The following BIRC7 variants were observed in gnomAD, a reference collection of about 807,000 sequenced individuals.
BIRC7 encodes the protein baculoviral IAP repeat-containing protein 7.
Under a neutral mutation model 33.2 loss-of-function variants are expected in BIRC7, and 26 were observed. That is an observed-to-expected ratio of 0.78 (90% CI 0.57 to 1.09). BIRC7 has a LOEUF of 1.09. Ranked by LOEUF, BIRC7 falls within the 50% of genes least tolerant of loss-of-function variation. The pLI, the probability that BIRC7 is intolerant of heterozygous loss-of-function variation, is 0.00. For missense variants in BIRC7, 409 were observed against 401.2 expected, an observed-to-expected ratio of 1.02 and a Z score of -0.17; for synonymous variants, 176 against 171.0, an observed-to-expected ratio of 1.03 and a Z score of -0.23.
chr20:63,238,247 C>T (rs755498636), intron 2 of BIRC7, 149 bp from the exon 3 acceptor site: 6 of 992,732 alleles, frequency 6.0e-6, no homozygotes, highest in African/African-American at 3.2e-5. Flanking sequence ...CCCATGGAGG[C>T]GTCTCCACAG....
At position 63,235,938 on chromosome 20, in the gene BIRC7, C is replaced by T; in HGVS notation, c.-159C>T. On this transcript the variant is annotated 5_prime_UTR_variant, in exon 1 of 7. Coordinates refer to ENST00000217169, the MANE Select transcript of BIRC7 (RefSeq NM_139317.3). ...AAAGCTGTGGGCCCTGGGATACTCC[C>T]CTCCCAGGGTGTCTGGTGGCAGGCC... 2.2e-6 allele frequency: 2 copies of T among 900,014 alleles called. No individual in the cohort carries two copies. Among genetic ancestry groups the T allele is most frequent in the Non-Finnish European group, 3.2e-6 (2 of 623,366 alleles). 55.8% of individuals were successfully genotyped at this position (900,014 alleles called of 1,614,324 possible).
chr20:63,237,188 G>T (rs2066695107), intron 1 of BIRC7, among the ~76,000 whole-genome samples: 1 of 152,196 alleles, frequency 6.6e-6, no homozygotes, highest in South Asian at 2.1e-4. Flanking sequence ...CAGCTGGTCG[G>T]GGGGACAGTG....
rs144610569 is a variant in BIRC7, at chr20:63,237,925, C to A, written c.372C>A (p.Cys124Ter). 2 of 1,607,036 alleles carry A rather than the reference C, an allele frequency of 1.2e-6. No homozygotes were observed. The highest frequency in any genetic ancestry group is 1.7e-5 in the Admixed American group (1 of 58,522). The part of the protein sequence containing the change: ...FHTGHQDKVR[C>*]FFCYGGLQSW... ...CAGGCCATCAGGACAAGGTGAGGTG[C>A]TTCTTCTGCTATGGGGGCCTGCAGA... Residue 124 changes from cysteine to a stop codon, truncating the protein, a stop_gained, in exon 2 of 7, where the codon TGC (cysteine) becomes TGA (stop). Coordinates refer to ENST00000217169, the MANE Select transcript of BIRC7 (RefSeq NM_139317.3). LOFTEE classifies it high-confidence loss of function.
chr20:63,238,522 T>G, intron 3 of BIRC7, 45 bp downstream of exon 3: 1 of 1,613,110 alleles, frequency 6.2e-7, no homozygotes, highest in East Asian at 2.2e-5. Context: ...AGTGGGGTCC[T>G]GCCCCTCCTA....
intron 1 of BIRC7, among the ~76,000 whole-genome samples, chr20:63,236,794 G>A (rs554321120): frequency 1.0e-3 from 157 of 152,322 alleles, no homozygotes; most frequent in African/African-American, 3.7e-3. Context: ...CACCTTCCCC[G>A]CTGCTGTTCT....
chr20:63,237,945 T>A lies in BIRC7; in HGVS notation c.392T>A (p.Leu131Gln). Residue 131 changes from leucine to glutamine, a missense_variant, in exon 2 of 7, where the codon CTG (leucine) becomes CAG (glutamine). Coordinates refer to ENST00000217169, the MANE Select transcript of BIRC7 (RefSeq NM_139317.3). Reference protein sequence around the residue: ...KVRCFFCYGGLQSWKRGDDPW... With the variant: ...KVRCFFCYGGQQSWKRGDDPW... ...AGGTGCTTCTTCTGCTATGGGGGCC[T>A]GCAGAGCTGGAAGCGCGGGGACGAC... 1 of 1,608,408 alleles carries A rather than the reference T, an allele frequency of 6.2e-7. No homozygotes were observed. Among genetic ancestry groups the A allele is most frequent in the South Asian group, 1.1e-5 (1 of 90,476 alleles).
rs770895232 is a variant in BIRC7 at position 63,239,460 on chromosome 20, C to T, written c.752C>T (p.Thr251Met). The T allele has an allele frequency of 6.2e-6, 10 of 1,606,928 alleles. No homozygotes were observed. Among genetic ancestry groups the T allele is most frequent in the Admixed American group, 1.7e-5 (1 of 60,022 alleles). The change falls in exon 6 of 7, where the codon ACG becomes ATG. Residue 251 changes from threonine (T) to methionine (M), a missense_variant. Thr to Met is a moderately conservative substitution (Grantham distance 81). Coordinates refer to ENST00000217169, the MANE Select transcript of BIRC7 (RefSeq NM_139317.3). ...AQLRRLQEER[T>M]CKVCLDRAVS... is the part of the protein sequence containing the mutation. ...CTGCGGCGGCTGCAGGAGGAGAGGACGTGCAAGGTGTGCCTGGACCGCGCC... is the reference window on the plus strand; with the variant it reads ...CTGCGGCGGCTGCAGGAGGAGAGGATGTGCAAGGTGTGCCTGGACCGCGCC...
chr20:63,238,464 T>C lies in BIRC7; in HGVS notation c.518T>C (p.Leu173Pro). The change falls in exon 3 of 7, where the codon CTG becomes CCG. Residue 173 changes from leucine (L) to proline (P), a missense_variant. Transcript: ENST00000217169. ...VHSVQETHSQ[L>P]LGSWDPWEEP... ...AGTGTGCAGGAGACTCACTCCCAGC[T>C]GCTGGGCTCCTGGGTGAGCGCCACC... is the stretch of plus-strand genomic sequence containing the variant. The C allele has an allele frequency of 1.2e-6, 2 of 1,612,940 alleles. No homozygotes were observed. The highest frequency in any genetic ancestry group is 1.7e-5 in the Admixed American group (1 of 60,008).
Position 63,238,019 on chromosome 20 carries a change from CG to C in BIRC7, c.449+21del, listed in dbSNP as rs1344503738. 3.8e-6 allele frequency: 6 copies of C among 1,570,352 alleles called. No individual in the cohort carries two copies. Among genetic ancestry groups the C allele is most frequent in the South Asian group, 1.2e-5 (1 of 84,894 alleles). ...GTTCCCCAGGTACCGGCTGCCCCTG[CG>C]GGGCCCCGGGTCTGATCATGGGTAG... On this transcript the variant is annotated intron_variant, in intron 2 of 6. Coordinates refer to ENST00000217169, the MANE Select transcript of BIRC7 (RefSeq NM_139317.3).
Position 63,235,974 on chromosome 20 carries a change from C to G in BIRC7, c.-123C>G, listed in dbSNP as rs2066685188. ...GTCTGGTGGCAGGCCTGTGCCTATCCCTGCTGTCCCCAGGGTGGGCCCCGG... is the reference window on the plus strand; with the variant it reads ...GTCTGGTGGCAGGCCTGTGCCTATCGCTGCTGTCCCCAGGGTGGGCCCCGG... On this transcript the variant is annotated 5_prime_UTR_variant, in exon 1 of 7. Transcript: ENST00000217169. 3.2e-6 allele frequency: 4 copies of G among 1,255,128 alleles called. No individual in the cohort carries two copies. The Admixed American group carries it at 1.1e-4, about 35-fold the overall frequency. The allele number at this position is 1,255,128 out of a possible 1,614,324, so 77.7% of individuals were successfully genotyped here. A position where few individuals can be genotyped will look rare whatever the true frequency, so the allele number is the denominator to read the frequency against.
At chr20:63,239,037 G>A (rs1320178840) in intron 4 of BIRC7, 125 bp from the exon 5 acceptor site, 17 of 964,740 alleles carry the variant, frequency 1.8e-5, no homozygotes, top group Admixed American at 7.0e-5. Context: ...TGTCGGGAGC[G>A]GGGATACTCT....
intron 6 of BIRC7, among the ~76,000 whole-genome samples, chr20:63,239,874 T>A (rs1341151044): frequency 2.0e-5 from 3 of 152,232 alleles, no homozygotes; most frequent in Non-Finnish European, 4.4e-5. Flanking sequence ...TGCTGGCTCC[T>A]CTCAGCCTTG....
rs750096360 is a variant in BIRC7, at chr20:63,238,496, C to T, written c.531+19C>T. The T allele has an allele frequency of 9.3e-6, 15 of 1,612,840 alleles. No individual in the cohort carries two copies. The highest frequency in any genetic ancestry group is 4.5e-5 in the East Asian group (2 of 44,900). ...CTCCTGGGTGAGCGCCACCTCTCCT[C>T]GGGGCTCCGGGTGGCAGTGGGGTCC... is the stretch of plus-strand genomic sequence containing the variant. On this transcript the variant is annotated intron_variant, in intron 3 of 6. Coordinates refer to ENST00000217169, the MANE Select transcript of BIRC7 (RefSeq NM_139317.3).
At chr20:63,238,780 G>A in intron 4 of BIRC7, 166 bp downstream of exon 4, 1 of 937,812 alleles carries the variant, frequency 1.1e-6, no homozygotes, top group Non-Finnish European at 1.6e-6. Flanking sequence ...GCCATGTGAG[G>A]GTGGGGGCGG....
In BIRC7 at chr20:63,238,185, C is replaced by T. The variant is rs552487653; in HGVS notation, c.449+183C>T. On this transcript the variant is annotated intron_variant, in intron 2 of 6. Transcript: ENST00000217169. ...CACTTTTCCTGTGAGGGCCCCTTTT[C>T]GGAAGGGCTGCTGGGGGCAGAAATG... is the stretch of plus-strand genomic sequence containing the variant. The T allele has an allele frequency of 3.1e-4, 260 of 845,692 alleles. No individual in the cohort carries two copies. In the African/African-American group the frequency reaches 3.8e-3, roughly 12 times the overall value. The allele number at this position is 845,692 out of a possible 1,614,324, so 52.4% of individuals were successfully genotyped here.
intron 6 of BIRC7, among the ~76,000 whole-genome samples, chr20:63,240,024 G>C (rs1457234653): frequency 1.3e-5 from 2 of 152,244 alleles, no homozygotes; most frequent in African/African-American, 2.4e-5. Flanking sequence ...GCACGGGAAG[G>C]GGGTGTGTGA....
chr20:63,236,111 C>T lies in BIRC7; in HGVS notation c.15C>T (p.Asp5=), dbSNP rs1317024403. 2 of 1,558,636 alleles carry T rather than the reference C, an allele frequency of 1.3e-6. No individual in the cohort carries two copies. The highest frequency in any genetic ancestry group is 1.8e-5 in the Admixed American group (1 of 54,870). The change falls in exon 1 of 7, where the codon GAC becomes GAT. Residue 5 remains aspartate, a synonymous_variant. Transcript: ENST00000217169. MGPK[D]SAKCLHRGPQ... ...GTGTTCCCTCCATGGGACCTAAAGA[C>T]AGTGCCAAGTGCCTGCACCGTGGAC...
chr20:63,239,287 C>T, intron 5 of BIRC7, 54 bp downstream of exon 5: 1 of 1,607,262 alleles, frequency 6.2e-7, no homozygotes, highest in Non-Finnish European at 8.5e-7. Context: ...GGCTGAGGGA[C>T]CCCGACCTTC....
chr20:63,237,375 C>G (rs1404154991), intron 1 of BIRC7, among the ~76,000 whole-genome samples: 1 of 152,214 alleles, frequency 6.6e-6, no homozygotes, highest in East Asian at 1.9e-4. Context: ...ATGTCAGTGG[C>G]AGGTGACGTA....
Sources: gnomAD v4.1 joint callset for allele counts (sites outside exome capture counted in the v4.1 genomes callset) on GRCh38, gnomAD v4.1.1 for gene constraint, MANE v1.5 for transcripts, NCBI Gene and HGNC (gene_info 2026-07-23, HGNC 2026-07-21) for gene names.